The following AGPS variants were observed in gnomAD, a reference collection of about 807,000 sequenced individuals.
AGPS encodes alkylglycerone phosphate synthase.
A neutral mutation model predicts 90.7 loss-of-function variants in AGPS; 26 were observed. That is an observed-to-expected ratio of 0.29 (90% CI 0.21 to 0.40). The LOEUF (loss-of-function observed/expected upper bound fraction) is 0.40. Among genes scored for constraint, AGPS ranks in the 10% least tolerant of loss-of-function variants. The pLI is 1.00. For synonymous variants in AGPS, 294 were observed against 285.3 expected, an observed-to-expected ratio of 1.03 and a Z score of -0.31; for missense variants, 540 against 816.1, an observed-to-expected ratio of 0.66 and a Z score of 4.12.
rs2079104312 is a variant in AGPS, at chr2:177,527,911, A to AT, written c.1855+4107dup. 2.6e-5 allele frequency among the ~76,000 whole-genome samples: 4 copies of AT among 152,222 alleles called. No individual in the cohort carries two copies. The South Asian group carries it at 8.3e-4, about 31-fold the overall frequency. On this transcript the variant is annotated intron_variant, in intron 19 of 19. Transcript: ENST00000264167. ...TTCTATGTGGTCAAAATATGACCGC[A>AT]TGGAAACAGACTCTGAAATACCTGG... is the stretch of plus-strand genomic sequence containing the variant.
At chr2:177,402,362 C>T (rs922177631) in intron 1 of AGPS, among the ~76,000 whole-genome samples, 1 of 152,238 alleles carries the variant, frequency 6.6e-6, no homozygotes, top group Non-Finnish European at 1.5e-5. Context: ...GGACTCAATT[C>T]ATATCCCCTC....
chr2:177,449,680 G>C (rs576892186), intron 8 of AGPS, among the ~76,000 whole-genome samples: 1 of 152,102 alleles, frequency 6.6e-6, no homozygotes, highest in East Asian at 1.9e-4. Context: ...GCCCACCTTG[G>C]CCTTCCAAAG....
At chr2:177,531,147 C>CA (rs900067979) in intron 19 of AGPS, among the ~76,000 whole-genome samples, 123 of 151,432 alleles carry the variant, frequency 8.1e-4, no homozygotes, top group Admixed American at 3.6e-3. Flanking sequence ...AGAAGCTGAA[C>CA]AAAAAAATCA....
intron 19 of AGPS, among the ~76,000 whole-genome samples, chr2:177,527,700 T>C (rs2079101302): frequency 6.6e-6 from 1 of 152,162 alleles, no homozygotes; most frequent in Non-Finnish European, 1.5e-5. Flanking sequence ...TGTGCATTTT[T>C]CAGGTTCTAG....
intron 3 of AGPS, 148 bp from the exon 4 acceptor site, chr2:177,436,616 C>T: frequency 2.8e-6 from 2 of 709,690 alleles, no homozygotes; most frequent in East Asian, 2.8e-5. Context: ...AAGCTGATTT[C>T]TATATATGTT....
At chr2:177,507,794 G>T (rs1688756970) in intron 15 of AGPS, among the ~76,000 whole-genome samples, 176 bp from the exon 16 acceptor site, 2 of 152,220 alleles carry the variant, frequency 1.3e-5, no homozygotes, top group South Asian at 4.1e-4. Context: ...TAGTTACGGA[G>T]GCTGCATCTC....
At chr2:177,456,648 T>C (rs539109870) in intron 8 of AGPS, among the ~76,000 whole-genome samples, 1 of 152,280 alleles carries the variant, frequency 6.6e-6, no homozygotes, top group African/African-American at 2.4e-5. Context: ...TCCTGGTATA[T>C]AGTACCTGCT....
rs2079248688 is a variant in AGPS at position 177,542,782 on chromosome 2, A to G, written c.*4587A>G. ...TGCTCATACTGGCATACAAGTTTCT[A>G]TAAGTAGTTATTTTTTGAGCTACTT... On this transcript the variant is annotated 3_prime_UTR_variant, in exon 20 of 20. Transcript: ENST00000264167. 6.6e-6 allele frequency: 1 copy of G among 152,166 alleles called. No individual in the cohort carries two copies. 9.4% of individuals were successfully genotyped at this position (152,166 alleles called of 1,614,324 possible). A position where few individuals can be genotyped will look rare whatever the true frequency, so the allele number is the denominator to read the frequency against.
intron 19 of AGPS, among the ~76,000 whole-genome samples, chr2:177,533,319 T>A (rs917179160): frequency 3.3e-5 from 5 of 152,288 alleles, no homozygotes; most frequent in African/African-American, 1.2e-4. Flanking sequence ...GTAGCATAGG[T>A]TAAACAGATT....
rs553315742 is a variant in AGPS, at chr2:177,525,405, C to T, written c.1855+1600C>T. 3.9e-5 allele frequency among the ~76,000 whole-genome samples: 6 copies of T among 152,082 alleles called. No individual in the cohort carries two copies. The South Asian group carries it at 6.2e-4, about 16-fold the overall frequency. ...AATTGATTACATGGGACAGAGGAAG[C>T]GAAATGATTTAGCCATAATTACTTG... is the stretch of plus-strand genomic sequence containing the variant. On this transcript the variant is annotated intron_variant, in intron 19 of 19. Transcript: ENST00000264167.
At chr2:177,525,793 T>A (rs1378656330) in intron 19 of AGPS, among the ~76,000 whole-genome samples, 1 of 152,212 alleles carries the variant, frequency 6.6e-6, no homozygotes, top group Non-Finnish European at 1.5e-5. Context: ...AGTTTTTTCC[T>A]CGGCCAGTGA....
At chr2:177,447,850 C>T (rs1013886570) in intron 8 of AGPS, among the ~76,000 whole-genome samples, 1 of 152,028 alleles carries the variant, frequency 6.6e-6, no homozygotes, top group Non-Finnish European at 1.5e-5. Context: ...TTGAGGTAAC[C>T]AGTTTAAAAC....
chr2:177,507,047 C>G (rs868209790), intron 15 of AGPS, among the ~76,000 whole-genome samples: 7 of 151,944 alleles, frequency 4.6e-5, no homozygotes, highest in Middle Eastern at 3.4e-3. Context: ...CCCCCTACCC[C>G]GGGATTACAT....
At position 177,393,604 on chromosome 2, in the gene AGPS, G is replaced by A. The variant is rs772377394; in HGVS notation, c.260+555G>A. 2.2e-4 allele frequency: 211 copies of A among 980,874 alleles called. No individual in the cohort carries two copies. The Middle Eastern group carries it at 2.6e-3, about 12-fold the overall frequency. The allele number at this position is 980,874 out of a possible 1,614,324, so 60.8% of individuals were successfully genotyped here. A position where few individuals can be genotyped will look rare whatever the true frequency, so the allele number is the denominator to read the frequency against. On this transcript the variant is annotated intron_variant, in intron 1 of 19. Coordinates refer to ENST00000264167, the MANE Select transcript of AGPS (RefSeq NM_003659.4). ...GGAGGAAACCGATGAATGGTAAGAA[G>A]CCATAAACTGCAAACACTAGCTAGT...
chr2:177,503,902 A>C (rs1688633756), intron 14 of AGPS, among the ~76,000 whole-genome samples: 1 of 152,170 alleles, frequency 6.6e-6, no homozygotes, highest in Non-Finnish European at 1.5e-5. Flanking sequence ...TAATGTGAAC[A>C]GATCTGTTTC....
intron 17 of AGPS, among the ~76,000 whole-genome samples, chr2:177,514,311 C>G (rs1237980800): frequency 6.6e-6 from 1 of 152,174 alleles, no homozygotes; most frequent in African/African-American, 2.4e-5. Context: ...AATTTAATCT[C>G]TTCAAGCTCT....
chr2:177,397,379 C>T (rs922966302), intron 1 of AGPS, among the ~76,000 whole-genome samples: 3 of 151,956 alleles, frequency 2.0e-5, no homozygotes, highest in Non-Finnish European at 4.4e-5. Flanking sequence ...TTTGACTTTG[C>T]TTCTAAGTGC....
In AGPS at chr2:177,393,006, G is replaced by C. The variant is rs1400682396; in HGVS notation, c.217G>C (p.Ala73Pro). Residue 73 changes from alanine (A) to proline (P), a missense_variant, in exon 1 of 20, where the codon GCC becomes CCC. Around this residue, in one of 2 missense-constraint regions of AGPS, gnomAD observed 135 missense variants for 124.0 expected, o/e 1.09. Coordinates refer to ENST00000264167, the MANE Select transcript of AGPS (RefSeq NM_003659.4). ...GTCGGCGGCCACGGCAGCGCCCACG[G>C]CCACTCCCGCCGCGCAGGAGTCGGG... Reference protein sequence around the residue: ...AASAATAAPTATPAAQESGTI... With the variant: ...AASAATAAPTPTPAAQESGTI... 7.7e-6 allele frequency: 12 copies of C among 1,550,196 alleles called. No homozygotes were observed.
intron 8 of AGPS, among the ~76,000 whole-genome samples, chr2:177,455,572 G>T (rs1368027197): frequency 6.6e-6 from 1 of 152,074 alleles, no homozygotes; most frequent in Non-Finnish European, 1.5e-5. Context: ...AGGATTACAG[G>T]TGTGAGCCAC....
Sources: gnomAD v4.1 joint callset for allele counts (sites outside exome capture counted in the v4.1 genomes callset) on GRCh38, gnomAD v4.1.1 for gene constraint, gnomAD v4.1.1 regional missense constraint, MANE v1.5 for transcripts, NCBI Gene and HGNC (gene_info 2026-07-23, HGNC 2026-07-21) for gene names.